BRCA2: variants seen among roughly 807,000 people sequenced by gnomAD.
The protein encoded by BRCA2 is breast cancer type 2 susceptibility protein.
In BRCA2, 203 loss-of-function variants were observed where a neutral mutation model predicts 276.7. The ratio of observed to expected loss-of-function variants is 0.73; its 90% CI spans 0.65 to 0.82. BRCA2 has a LOEUF of 0.82. Ranked by LOEUF, BRCA2 falls within the 40% of genes least tolerant of loss-of-function variation. The pLI is 0.00. For synonymous variants in BRCA2, 1,289 were observed against 1,338.4 expected (o/e 0.96, Z 0.81); for missense variants, 3,920 against 3,915.0 (o/e 1.00, Z -0.03).
intron 13 of BRCA2, among the ~76,000 whole-genome samples, chr13:32,347,148 A>G (rs28479757): frequency 6.6e-6 from 1 of 152,186 alleles, no homozygotes; most frequent in African/African-American, 2.4e-5. Context: ...TAAGGTTGAG[A>G]GGAATTAAGG....
chr13:32,319,385 G>T, intron 3 of BRCA2, 60 bp downstream of exon 3: 1 of 1,499,424 alleles, frequency 6.7e-7, no homozygotes, highest in Non-Finnish European at 9.2e-7. Context: ...AGGCAAACCT[G>T]TGTTAAAATC....
chr13:32,396,428 C>T (rs1048474356), intron 25 of BRCA2, among the ~76,000 whole-genome samples: 4 of 152,184 alleles, frequency 2.6e-5, no homozygotes, highest in African/African-American at 7.2e-5. Context: ...TCTCAAGCAA[C>T]AGTTTCATGT....
At chr13:32,366,958 G>A (rs1327443416) in intron 18 of BRCA2, among the ~76,000 whole-genome samples, 1 of 151,954 alleles carries the variant, frequency 6.6e-6, no homozygotes, top group African/African-American at 2.4e-5. Flanking sequence ...TTAAAAGGAT[G>A]CAAGGTGTCT....
In BRCA2 at chr13:32,333,283, G is replaced by GA. The variant is rs80359306; in HGVS notation, c.1813dup (p.Ile605AsnfsTer11). ...ATACATGATGAAACATCTTATAAAG[G>GA]AAAAAAAATACCGAAAGACCAAAAA... On this transcript the variant is annotated frameshift_variant, in exon 10 of 27. Transcript: ENST00000380152. LOFTEE classifies it high-confidence loss of function. 1.4e-5 allele frequency: 22 copies of GA among 1,601,314 alleles called. No homozygotes were observed. The highest frequency in any genetic ancestry group is 4.5e-5 in the East Asian group (2 of 44,798).
chr13:32,327,767 T>C (rs2137455157), intron 7 of BRCA2, among the ~76,000 whole-genome samples: 1 of 121,786 alleles, frequency 8.2e-6, no homozygotes, highest in East Asian at 2.4e-4. Context: ...AAGTTGTGAC[T>C]ATTTTTTTTT....
chr13:32,341,591 C>T (rs1390967809), intron 11 of BRCA2, among the ~76,000 whole-genome samples: 1 of 152,198 alleles, frequency 6.6e-6, no homozygotes, highest in Non-Finnish European at 1.5e-5. Flanking sequence ...CAAGTTCAGA[C>T]TCTGACTTAT....
chr13:32,348,723 A>C (rs2072627733), intron 13 of BRCA2, among the ~76,000 whole-genome samples: 1 of 152,164 alleles, frequency 6.6e-6, no homozygotes, highest in African/African-American at 2.4e-5. Context: ...CTTAAGAAAT[A>C]AGAATTCAAC....
chr13:32,336,982 A>G lies in BRCA2; in HGVS notation c.2627A>G (p.Asn876Ser), dbSNP rs997313713. 2 of 1,588,216 alleles carry G rather than the reference A, an allele frequency of 1.3e-6. No individual in the cohort carries two copies. Among genetic ancestry groups the G allele is most frequent in the Admixed American group, 3.8e-5 (2 of 52,710 alleles). The change falls in exon 11 of 27, where the codon AAT (asparagine) becomes AGT (serine). Residue 876 changes from asparagine (N) to serine (S), a missense_variant. Around this residue, in one of 2 missense-constraint regions of BRCA2, gnomAD observed 3,263 missense variants for 3,156.9 expected, o/e 1.03. Transcript: ENST00000380152. ...ACTTCAATTTCAAAAATAACTGTCA[A>G]TCCAGACTCTGAAGAACTTTTCTCA... Reference protein sequence around the residue: ...ETTSISKITVNPDSEELFSDN... With the variant: ...ETTSISKITVSPDSEELFSDN...
At chr13:32,336,180 C>A (rs2072446128) in intron 10 of BRCA2, 85 bp from the exon 11 acceptor site, 1 of 1,441,658 alleles carries the variant, frequency 6.9e-7, no homozygotes, top group South Asian at 1.4e-5. Context: ...TGTGCCCAAA[C>A]ACTACCTTTT....
intron 10 of BRCA2, among the ~76,000 whole-genome samples, chr13:32,334,171 T>C (rs1272813497): frequency 6.6e-6 from 1 of 152,190 alleles, no homozygotes; most frequent in Non-Finnish European, 1.5e-5. Context: ...GTATTTTTGG[T>C]TCTAGGTCTT....
chr13:32,388,706 C>T (rs950947471), intron 24 of BRCA2, among the ~76,000 whole-genome samples: 4 of 149,848 alleles, frequency 2.7e-5, no homozygotes, highest in African/African-American at 4.9e-5. Context: ...TTTATTGCCA[C>T]GTGAAGGAAA....
chr13:32,359,839 C>G (rs1412461994), intron 16 of BRCA2, among the ~76,000 whole-genome samples: 1 of 152,162 alleles, frequency 6.6e-6, no homozygotes. Context: ...GATAATTCAG[C>G]AAATCTCTAT....
chr13:32,363,351 G>T lies in BRCA2; in HGVS notation c.8149G>T (p.Ala2717Ser), dbSNP rs28897747. 1.4e-3 allele frequency: 2,248 copies of T among 1,614,110 alleles called. 2 individuals are homozygous for T. Among genetic ancestry groups the T allele is most frequent in the Non-Finnish European group, 1.7e-3 (2,005 of 1,180,000 alleles). ...KTSSADTQKV[A>S]IIELTDGWYA... ...TAGTAGTGCAGATACCCAAAAAGTG[G>T]CCATTATTGAACTTACAGATGGGTG... Residue 2717 changes from alanine to serine, a missense_variant, in exon 18 of 27, where the codon GCC becomes TCC. By Grantham distance (99) the Ala-to-Ser change is moderately conservative (BLOSUM62 1). Around this residue, in one of 2 missense-constraint regions of BRCA2, gnomAD observed 3,263 missense variants for 3,156.9 expected, o/e 1.03. Coordinates refer to ENST00000380152, the MANE Select transcript of BRCA2 (RefSeq NM_000059.4).
In BRCA2 at chr13:32,363,209, A is replaced by G. The variant is rs143999963; in HGVS notation, c.8007A>G (p.Arg2669=). The G allele has an allele frequency of 8.1e-6, 13 of 1,613,772 alleles. No individual in the cohort carries two copies. In the Middle Eastern group the frequency reaches 9.9e-4, roughly 122 times the overall value. Residue 2669 remains arginine (R), a synonymous_variant, in exon 18 of 27, where the codon AGA becomes AGG. Transcript: ENST00000380152. The part of the protein sequence containing the change: ...RYDTEIDRSR[R]SAIKKIMERD... ...ATACGGAAATTGATAGAAGCAGAAG[A>G]TCGGCTATAAAAAAGATAATGGAAA...
At chr13:32,378,697 T>G (rs1056221812) in intron 21 of BRCA2, among the ~76,000 whole-genome samples, 1 of 152,210 alleles carries the variant, frequency 6.6e-6, no homozygotes, top group Non-Finnish European at 1.5e-5. Context: ...ATTTATCTGT[T>G]TATTTTTGTT....
In BRCA2 at chr13:32,362,564, C is replaced by A. The variant is rs1174303167; in HGVS notation, c.7847C>A (p.Ser2616Tyr). The A allele has an allele frequency of 6.2e-7, 1 of 1,613,748 alleles. No homozygotes were observed. Among genetic ancestry groups the A allele is most frequent in the African/African-American group, 1.3e-5 (1 of 74,826 alleles). Reference protein sequence around the residue: ...DTPGVDPKLISRIWVYNHYRW... With the variant: ...DTPGVDPKLIYRIWVYNHYRW... ...CCAGGTGTGGATCCAAAGCTTATTT[C>A]TAGAATTTGGGTTTATAATCACTAT... Residue 2616 changes from serine (S) to tyrosine (Y), a missense_variant, in exon 17 of 27, where the codon TCT (serine) becomes TAT (tyrosine). Ser to Tyr is a moderately radical substitution (Grantham distance 144, BLOSUM62 -2). Transcript: ENST00000380152.
At chr13:32,366,386 G>A (rs1197800176) in intron 18 of BRCA2, among the ~76,000 whole-genome samples, 3 of 152,178 alleles carry the variant, frequency 2.0e-5, no homozygotes, top group Non-Finnish European at 1.5e-5. Flanking sequence ...TTTGTTGTAT[G>A]TGAGTAATTA....
intron 15 of BRCA2, 68 bp downstream of exon 15, chr13:32,356,677 C>CA: frequency 1.3e-6 from 2 of 1,515,428 alleles, no homozygotes; most frequent in Non-Finnish European, 9.2e-7. Flanking sequence ...TAACTAGTAT[C>CA]TACAAATGGC....
chr13:32,345,784 A>G (rs1469069031), intron 12 of BRCA2, among the ~76,000 whole-genome samples: 6 of 152,062 alleles, frequency 3.9e-5, no homozygotes, highest in African/African-American at 1.4e-4. Context: ...TATTTTAAAT[A>G]ATTTTTGCAT....
Sources: gnomAD v4.1 joint callset for allele counts (sites outside exome capture counted in the v4.1 genomes callset) on GRCh38, gnomAD v4.1.1 for gene constraint, gnomAD v4.1.1 regional missense constraint, MANE v1.5 for transcripts, NCBI Gene and HGNC (gene_info 2026-07-23, HGNC 2026-07-21) for gene names.